PXDNL: variants seen among roughly 807,000 people sequenced by gnomAD.
The protein encoded by PXDNL is probable oxidoreductase PXDNL.
Under a neutral mutation model 150.8 loss-of-function variants are expected in PXDNL, and 145 were observed. The ratio of observed to expected loss-of-function variants is 0.96; its 90% confidence interval spans 0.84 to 1.10. The LOEUF (loss-of-function observed/expected upper bound fraction) is 1.10, where lower values mean the gene tolerates loss of function less well. Among genes scored for constraint, PXDNL ranks in the 50% least tolerant of loss-of-function variants. The pLI, the probability that PXDNL is intolerant of heterozygous loss-of-function variation, is 0.00. For synonymous variants in PXDNL, 757 were observed against 725.7 expected (o/e 1.04, Z -0.69); for missense variants, 2,087 against 1,873.9 (o/e 1.11, Z -2.10).
chr8:51,352,021 C>T (rs1375528126), intron 19 of PXDNL, among the ~76,000 whole-genome samples: 1 of 152,026 alleles, frequency 6.6e-6, no homozygotes, highest in Non-Finnish European at 1.5e-5. Flanking sequence ...GTCACAGGTT[C>T]TGCTCTCACT....
chr8:51,643,413 G>C (rs1377440215), intron 2 of PXDNL, among the ~76,000 whole-genome samples: 1 of 152,074 alleles, frequency 6.6e-6, no homozygotes, highest in Admixed American at 6.6e-5. Context: ...TCTGATCTTT[G>C]ACAAACCTGA....
chr8:51,374,644 A>T lies in PXDNL; in HGVS notation c.3645T>A (p.Leu1215=). Residue 1215 remains leucine (L), a synonymous_variant, in exon 18 of 23, where the codon CTT becomes CTA. Coordinates refer to ENST00000356297, the MANE Select transcript of PXDNL (RefSeq NM_144651.5). ...GAAACTGGGTAACAAACAGGCACATAAGTGTTGGTCCCACTCTTGTACCAG... is the reference window on the plus strand; with the variant it reads ...GAAACTGGGTAACAAACAGGCACATTAGTGTTGGTCCCACTCTTGTACCAG... ...LIPGTRVGPT[L]MCLFVTQFQR... The T allele has an allele frequency of 6.2e-7, 1 of 1,613,930 alleles. No homozygotes were observed.
intron 4 of PXDNL, among the ~76,000 whole-genome samples, chr8:51,509,478 A>T (rs1040218893): frequency 2.6e-5 from 4 of 152,004 alleles, no homozygotes; most frequent in Non-Finnish European, 5.9e-5. Context: ...CTCCAGCCAC[A>T]TCAGCATTCA....
chr8:51,712,053 G>C (rs1321223243), intron 1 of PXDNL, among the ~76,000 whole-genome samples: 1 of 152,184 alleles, frequency 6.6e-6, no homozygotes, highest in Non-Finnish European at 1.5e-5. Flanking sequence ...TTAAATAGCA[G>C]GGAAGAAATG....
chr8:51,571,730 A>T (rs1168363383), intron 3 of PXDNL, among the ~76,000 whole-genome samples: 2 of 151,898 alleles, frequency 1.3e-5, no homozygotes, highest in African/African-American at 4.8e-5. Flanking sequence ...GTTTTGACTC[A>T]GTTATGGAAT....
chr8:51,602,366 G>A (rs555697963), intron 2 of PXDNL, among the ~76,000 whole-genome samples: 15 of 151,220 alleles, frequency 9.9e-5, no homozygotes, highest in East Asian at 1.9e-4. Flanking sequence ...TAAAGACTTC[G>A]CTTATTTAAA....
chr8:51,785,245 CA>C lies in PXDNL; in HGVS notation c.164+23935del, dbSNP rs1034422032. Among the ~76,000 whole-genome samples, 653 of 139,758 alleles carry C rather than the reference CA, an allele frequency of 4.7e-3. 1 individual carries two copies. The highest frequency in any genetic ancestry group is 6.0e-3 in the African/African-American group (227 of 37,938). 91.7% of individuals were successfully genotyped at this position (139,758 alleles called of 152,430 possible). On this transcript the variant is annotated intron_variant, in intron 1 of 22. Transcript: ENST00000356297. ...TACAATGCTGGTTGTTTGTACCTGC[CA>C]AAAAAAAAAACTTGAATGAAATGAT...
At chr8:51,550,330 A>G (rs1812452709) in intron 4 of PXDNL, among the ~76,000 whole-genome samples, 1 of 152,164 alleles carries the variant, frequency 6.6e-6, no homozygotes, top group Non-Finnish European at 1.5e-5. Flanking sequence ...TCCGTAAATC[A>G]GTCTATGAAG....
intron 17 of PXDNL, among the ~76,000 whole-genome samples, chr8:51,390,734 T>A (rs925072637): frequency 1.3e-5 from 2 of 151,956 alleles, no homozygotes; most frequent in African/African-American, 4.8e-5. Context: ...AGCACAGATT[T>A]TCTTTTTTTT....
intron 3 of PXDNL, among the ~76,000 whole-genome samples, chr8:51,584,524 T>C (rs1563473436): frequency 6.6e-6 from 1 of 152,170 alleles, no homozygotes. Flanking sequence ...ACAATGTACA[T>C]CTCTAATAAC....
chr8:51,500,469 A>C (rs993088646), intron 4 of PXDNL, among the ~76,000 whole-genome samples: 8 of 152,250 alleles, frequency 5.3e-5, no homozygotes, highest in Non-Finnish European at 1.0e-4. Flanking sequence ...GAAATGGAGA[A>C]GCATGTTTCC....
intron 1 of PXDNL, among the ~76,000 whole-genome samples, chr8:51,712,596 G>A (rs1345369667): frequency 1.3e-5 from 2 of 152,162 alleles, no homozygotes; most frequent in Admixed American, 1.3e-4. Context: ...TTTGGACACT[G>A]ATCACATGTA....
In PXDNL at chr8:51,592,366, T is replaced by C. The variant is rs562103829; in HGVS notation, c.308+261A>G. 4.6e-5 allele frequency among the ~76,000 whole-genome samples: 7 copies of C among 152,318 alleles called. No homozygotes were observed. In the East Asian group the frequency reaches 1.3e-3, roughly 29 times the overall value. On this transcript the variant is annotated intron_variant, in intron 3 of 22. Transcript: ENST00000356297. ...ATTTGAATGTGAAATATTGGAAAAC[T>C]GTTTTGTTTTTATTTTTCTCCAATT...
At chr8:51,617,560 G>A (rs1563485095) in intron 2 of PXDNL, among the ~76,000 whole-genome samples, 1 of 152,190 alleles carries the variant, frequency 6.6e-6, no homozygotes, top group Non-Finnish European at 1.5e-5. Flanking sequence ...AGAGAAATAT[G>A]ACTTCGAACA....
At chr8:51,708,910 A>T (rs1357292942) in intron 1 of PXDNL, among the ~76,000 whole-genome samples, 2 of 152,120 alleles carry the variant, frequency 1.3e-5, no homozygotes, top group Non-Finnish European at 2.9e-5. Flanking sequence ...GTCAATATTT[A>T]AAATGTGGGA....
intron 1 of PXDNL, among the ~76,000 whole-genome samples, chr8:51,693,344 T>C (rs2130865826): frequency 6.6e-6 from 1 of 152,336 alleles, no homozygotes; most frequent in South Asian, 2.1e-4. Flanking sequence ...GTCATTACAT[T>C]AGGATCAGTA....
intron 13 of PXDNL, among the ~76,000 whole-genome samples, chr8:51,424,373 A>C (rs894957594): frequency 1.3e-5 from 2 of 152,192 alleles, no homozygotes; most frequent in Admixed American, 6.5e-5. Context: ...CATATCTAAA[A>C]TAAAAAAAAT....
At position 51,408,930 on chromosome 8, in the gene PXDNL, G is replaced by A. The variant is rs1315338467; in HGVS notation, c.2694C>T (p.Asn898=). ...NQQTAYIDGS[N]VYGSSERESQ... ...ATTCCCGCTCCGAGCTCCCGTAAAC[G>A]TTGGAGCCATCGATGTAGGCTGTTT... The change falls in exon 17 of 23, where the codon AAC becomes AAT. Residue 898 remains asparagine, a synonymous_variant. Coordinates refer to ENST00000356297, the MANE Select transcript of PXDNL (RefSeq NM_144651.5). 2 of 1,612,514 alleles carry A rather than the reference G, an allele frequency of 1.2e-6. No homozygotes were observed. Among genetic ancestry groups the A allele is most frequent in the Non-Finnish European group, 1.7e-6 (2 of 1,179,686 alleles).
At chr8:51,505,602 A>C (rs1811268059) in intron 4 of PXDNL, among the ~76,000 whole-genome samples, 1 of 152,224 alleles carries the variant, frequency 6.6e-6, no homozygotes, top group African/African-American at 2.4e-5. Flanking sequence ...TGGCAGAAGG[A>C]GGCTGCACAC....
Sources: allele counts gnomAD v4.1 joint callset (sites outside exome capture counted in the v4.1 genomes callset), GRCh38; gene constraint gnomAD v4.1.1; transcripts MANE v1.5; gene names NCBI Gene and HGNC (gene_info 2026-07-23, HGNC 2026-07-21).